DCAF8L2: variants seen among roughly 807,000 people sequenced by gnomAD.
DCAF8L2 encodes the protein DDB1- and CUL4-associated factor 8-like protein 2.
For missense variants in DCAF8L2, 430 were observed against 490.7 expected (o/e 0.88, Z 1.17); for synonymous variants, 200 against 190.9 (o/e 1.05, Z -0.39).
the DCAF8L2 span, among the ~76,000 whole-genome samples, chrX:27,480,527 G>T: frequency 8.9e-6 from 1 of 111,901 alleles, no homozygotes; most frequent in African/African-American, 3.3e-5. Context: ...TCTGCTTCAG[G>T]TGGGTCTCTT....
chrX:27,656,547 T>C (rs757028096), intron 2 of DCAF8L2, among the ~76,000 whole-genome samples: 4 of 111,864 alleles, frequency 3.6e-5, no homozygotes, highest in Non-Finnish European at 5.6e-5. Flanking sequence ...TTCATGTGTT[T>C]TGGGCTTCAT....
chrX:27,729,540 G>A (rs750740829), intron 4 of DCAF8L2, among the ~76,000 whole-genome samples: 89 of 112,010 alleles, frequency 7.9e-4, no homozygotes, highest in Non-Finnish European at 8.6e-4. Flanking sequence ...ATAAACAACA[G>A]AAATTTATTT....
At chrX:27,514,312 T>TGTGCATATGTGCACATATGTAC in the DCAF8L2 span, among the ~76,000 whole-genome samples, 3 of 71,118 alleles carry the variant, frequency 4.2e-5, no homozygotes, top group African/African-American at 2.1e-4. Flanking sequence ...CACATATGTG[T>TGTGCATATGTGCACATATGTAC]ATATGGTAAT....
At chrX:27,608,926 G>A (rs1030091935) in intron 1 of DCAF8L2, among the ~76,000 whole-genome samples, 1 of 110,487 alleles carries the variant, frequency 9.1e-6, no homozygotes, top group Non-Finnish European at 1.9e-5. Context: ...GGTTTCAGCC[G>A]CACACACAAC....
the DCAF8L2 span, among the ~76,000 whole-genome samples, chrX:27,482,736 C>T: frequency 1.8e-5 from 2 of 110,336 alleles, no homozygotes; most frequent in Admixed American, 1.9e-4. Flanking sequence ...GGATAACTTC[C>T]CTTGACTGCA....
At chrX:27,622,897 A>G (rs754199966) in intron 1 of DCAF8L2, among the ~76,000 whole-genome samples, 8 of 111,468 alleles carry the variant, frequency 7.2e-5, no homozygotes, top group Non-Finnish European at 1.5e-4. Context: ...GCTGTACTGT[A>G]TATTTCTACT....
the DCAF8L2 span, among the ~76,000 whole-genome samples, chrX:27,566,531 T>G: frequency 1.8e-5 from 2 of 111,023 alleles, no homozygotes; most frequent in Admixed American, 1.9e-4. Context: ...CATATAATTA[T>G]TCATAATAGA....
At chrX:27,569,826 G>GT in the DCAF8L2 span, among the ~76,000 whole-genome samples, 3 of 111,489 alleles carry the variant, frequency 2.7e-5, no homozygotes. Context: ...CAGTATCTGT[G>GT]TGATCTTAAA....
intron 1 of DCAF8L2, among the ~76,000 whole-genome samples, chrX:27,606,252 A>ATATATATATATATATAGGAAT (rs1364265299): frequency 1.2e-5 from 1 of 84,271 alleles, no homozygotes; most frequent in African/African-American, 5.6e-5. Flanking sequence ...TATAGGAATT[A>ATATATATATATATATAGGAAT]TATATATATA....
intron 2 of DCAF8L2, chrX:27,632,595 G>C (rs1928336060): frequency 9.0e-6 from 1 of 111,368 alleles, no homozygotes; most frequent in Non-Finnish European, 1.9e-5. Flanking sequence ...TGCACTAGCT[G>C]TTTCCTCTGC....
At chrX:27,560,037 G>A in the DCAF8L2 span, among the ~76,000 whole-genome samples, 1 of 110,755 alleles carries the variant, frequency 9.0e-6, no homozygotes, top group East Asian at 2.9e-4. Flanking sequence ...GGAGGCCTAG[G>A]CAGGTGGATC....
the DCAF8L2 span, among the ~76,000 whole-genome samples, chrX:27,488,517 C>CTGTG: frequency 0.084 from 6,758 of 80,226 alleles, 340 homozygotes; most frequent in East Asian, 0.15. Context: ...AAAATTACCT[C>CTGTG]TGTGTGTGTG....
At chrX:27,739,745 T>A (rs1921745534) in intron 4 of DCAF8L2, among the ~76,000 whole-genome samples, 1 of 111,924 alleles carries the variant, frequency 8.9e-6, no homozygotes, top group Admixed American at 9.5e-5. Flanking sequence ...TCATCCCTAA[T>A]CCTCACTGTA....
the DCAF8L2 span, among the ~76,000 whole-genome samples, chrX:27,508,850 A>T: frequency 1.8e-5 from 2 of 109,143 alleles, no homozygotes; most frequent in Non-Finnish European, 3.8e-5. Flanking sequence ...GCATCTCATC[A>T]ATACTAATTA....
At chrX:27,537,863 G>C in the DCAF8L2 span, among the ~76,000 whole-genome samples, 2 of 112,015 alleles carry the variant, frequency 1.8e-5, no homozygotes. Context: ...TTAGCAACTG[G>C]TGAGAAATTG....
the DCAF8L2 span, among the ~76,000 whole-genome samples, chrX:27,543,415 A>G: frequency 8.9e-6 from 1 of 111,757 alleles, no homozygotes; most frequent in African/African-American, 3.3e-5. Flanking sequence ...GTTGGGTAGC[A>G]TGAGGCTTTG....
the DCAF8L2 span, among the ~76,000 whole-genome samples, chrX:27,502,335 A>AAAAAAAAAAAAAAAAATAT: frequency 7.9e-5 from 1 of 12,718 alleles, no homozygotes; most frequent in African/African-American, 2.2e-4. Context: ...AAAAAAAAAA[A>AAAAAAAAAAAAAAAAATAT]ATATATATAT....
At chrX:27,530,577 A>G in the DCAF8L2 span, among the ~76,000 whole-genome samples, 14 of 111,058 alleles carry the variant, frequency 1.3e-4, no homozygotes, top group African/African-American at 4.6e-4. Context: ...TTTAAGTTTT[A>G]CTGGACTTGA....
chrX:27,562,196 T>C, the DCAF8L2 span, among the ~76,000 whole-genome samples: 1 of 112,612 alleles, frequency 8.9e-6, no homozygotes, highest in Non-Finnish European at 1.9e-5. Context: ...ACTATCCTTT[T>C]ATCTAATATT....
Sources: gnomAD v4.1 joint callset for allele counts (sites outside exome capture counted in the v4.1 genomes callset) on GRCh38, gnomAD v4.1.1 for gene constraint, MANE v1.5 for transcripts, NCBI Gene and HGNC (gene_info 2026-07-23, HGNC 2026-07-21) for gene names.